Variants in EPHB1 observed in about 807,000 individuals in gnomAD.
EPHB1 encodes the protein EPH receptor B1, also known as ephrin type-B receptor 1.
A neutral mutation model predicts 94.4 loss-of-function variants in EPHB1; 30 were observed. That is an observed-to-expected ratio of 0.32 (90% confidence interval 0.24 to 0.43). EPHB1 has a LOEUF of 0.43. Among genes scored for constraint, EPHB1 ranks in the 20% least tolerant of loss-of-function variants. The probability of loss-of-function intolerance (pLI) is 1.00; values close to 1 mark genes in which losing one functional copy is unlikely to be tolerated. For missense variants in EPHB1, 1,055 were observed against 1,308.3 expected, an observed-to-expected ratio of 0.81 and a Z score of 2.99; for synonymous variants, 522 against 489.1, an observed-to-expected ratio of 1.07 and a Z score of -0.89.
intron 12 of EPHB1, among the ~76,000 whole-genome samples, chr3:135,233,316 C>T (rs930563771): frequency 3.9e-5 from 6 of 152,230 alleles, no homozygotes; most frequent in Admixed American, 6.5e-5. Context: ...AACAAAGGGG[C>T]TACAGGCCCC....
At chr3:134,959,658 T>G (rs1232591915) in intron 3 of EPHB1, among the ~76,000 whole-genome samples, 1 of 152,146 alleles carries the variant, frequency 6.6e-6, no homozygotes, top group East Asian at 1.9e-4. Flanking sequence ...TCCAGAGAGC[T>G]CTGACATGTT....
chr3:134,982,420 G>A (rs533970345), intron 3 of EPHB1, among the ~76,000 whole-genome samples: 15 of 152,210 alleles, frequency 9.9e-5, no homozygotes, highest in Admixed American at 3.9e-4. Context: ...CACATGGAAT[G>A]CAAATCTTGC....
At chr3:135,149,390 G>A (rs1321959134) in intron 5 of EPHB1, among the ~76,000 whole-genome samples, 2 of 152,186 alleles carry the variant, frequency 1.3e-5, no homozygotes, top group Non-Finnish European at 1.5e-5. Context: ...GACTTACTGT[G>A]AAAACCATTG....
intron 12 of EPHB1, among the ~76,000 whole-genome samples, chr3:135,211,474 G>T (rs1408363236): frequency 6.6e-6 from 1 of 152,122 alleles, no homozygotes. Flanking sequence ...TTGTAGTGCA[G>T]GTCTCTGGCA....
chr3:135,233,886 T>G (rs1943590289), intron 12 of EPHB1, among the ~76,000 whole-genome samples: 1 of 152,140 alleles, frequency 6.6e-6, no homozygotes, highest in South Asian at 2.1e-4. Flanking sequence ...CTTGACCCCT[T>G]TTGGCCATAG....
At chr3:134,987,951 T>A (rs1487134557) in intron 3 of EPHB1, among the ~76,000 whole-genome samples, 4 of 152,018 alleles carry the variant, frequency 2.6e-5, no homozygotes, top group African/African-American at 4.8e-5. Context: ...GTATTTTTTT[T>A]AATGGCAGCC....
At chr3:135,015,632 A>C (rs1239873553) in intron 3 of EPHB1, among the ~76,000 whole-genome samples, 2 of 152,178 alleles carry the variant, frequency 1.3e-5, no homozygotes, top group African/African-American at 4.8e-5. Flanking sequence ...GGCCTTTGGC[A>C]TACCCCTGAG....
intron 1 of EPHB1, among the ~76,000 whole-genome samples, chr3:134,833,008 AT>A (rs2036606541): frequency 6.6e-6 from 1 of 152,186 alleles, no homozygotes; most frequent in East Asian, 1.9e-4. Flanking sequence ...TTATAAATGA[AT>A]TTTTTTCTGG....
intron 12 of EPHB1, among the ~76,000 whole-genome samples, chr3:135,230,183 G>C (rs1576485435): frequency 6.6e-6 from 1 of 152,138 alleles, no homozygotes; most frequent in Admixed American, 6.5e-5. Context: ...GAGATAGTGG[G>C]GTGGCCTCTG....
intron 3 of EPHB1, among the ~76,000 whole-genome samples, chr3:135,039,377 G>A (rs1318394949): frequency 5.9e-5 from 9 of 152,340 alleles, no homozygotes; most frequent in South Asian, 2.1e-4. Context: ...AGTGGATCCC[G>A]CACTGGGGCT....
intron 12 of EPHB1, among the ~76,000 whole-genome samples, chr3:135,231,881 T>C (rs568264229): frequency 6.6e-6 from 1 of 152,352 alleles, no homozygotes; most frequent in South Asian, 2.1e-4. Flanking sequence ...ATTCTCTGTA[T>C]GTTGCATCAT....
At chr3:134,994,548 CCACCCTCAAGGTCT>C (rs1214324713) in intron 3 of EPHB1, among the ~76,000 whole-genome samples, 1 of 152,230 alleles carries the variant, frequency 6.6e-6, no homozygotes, top group East Asian at 1.9e-4. Context: ...TGTGCCTGCC[CCACCCTCAAGGTCT>C]CTCAGTATTC....
intron 1 of EPHB1, among the ~76,000 whole-genome samples, chr3:134,855,905 A>G (rs2037105607): frequency 6.6e-6 from 1 of 152,210 alleles, no homozygotes; most frequent in South Asian, 2.1e-4. Flanking sequence ...TGGCAATATT[A>G]TACCCATTTT....
intron 2 of EPHB1, among the ~76,000 whole-genome samples, chr3:134,945,044 A>G (rs973417451): frequency 6.6e-6 from 1 of 152,174 alleles, no homozygotes; most frequent in African/African-American, 2.4e-5. Context: ...TTTAAGAGTT[A>G]TATCTATGTC....
intron 3 of EPHB1, among the ~76,000 whole-genome samples, chr3:135,095,560 C>T (rs950139405): frequency 1.3e-5 from 2 of 152,182 alleles, no homozygotes; most frequent in Non-Finnish European, 2.9e-5. Context: ...TTCCCAATTT[C>T]AAGCCTATCA....
chr3:134,941,756 C>CACACACAG (rs780608786), intron 2 of EPHB1, among the ~76,000 whole-genome samples: 2,806 of 65,688 alleles, frequency 0.043, 44 homozygotes, highest in South Asian at 0.092. Flanking sequence ...CACACAGACA[C>CACACACAG]ACACACACAC....
intron 4 of EPHB1, among the ~76,000 whole-genome samples, chr3:135,130,575 T>A (rs1184440361): frequency 6.6e-6 from 1 of 152,132 alleles, no homozygotes; most frequent in Non-Finnish European, 1.5e-5. Context: ...AAGACTTGTA[T>A]GAGTTTACAT....
At chr3:135,220,970 T>G (rs1015305510) in intron 12 of EPHB1, among the ~76,000 whole-genome samples, 4 of 152,234 alleles carry the variant, frequency 2.6e-5, no homozygotes, top group Non-Finnish European at 5.9e-5. Context: ...GTCATGGGTC[T>G]CTCACTTTAG....
At chr3:135,242,116 T>C (rs749529880) in intron 13 of EPHB1, among the ~76,000 whole-genome samples, 4 of 152,210 alleles carry the variant, frequency 2.6e-5, no homozygotes, top group Non-Finnish European at 5.9e-5. Context: ...CAATGAAAAG[T>C]CCTGCCTGAA....
Sources: gnomAD v4.1 joint callset for allele counts (sites outside exome capture counted in the v4.1 genomes callset) on GRCh38, gnomAD v4.1.1 for gene constraint, MANE v1.5 for transcripts, NCBI Gene and HGNC (gene_info 2026-07-23, HGNC 2026-07-21) for gene names.